PAK5: variants seen among roughly 807,000 people sequenced by gnomAD.
PAK5 encodes the protein serine/threonine-protein kinase PAK 5.
PAK5 carries 16 observed loss-of-function variants against 65.9 expected under a neutral mutation model. That is an observed-to-expected ratio of 0.24 (90% CI 0.16 to 0.37). The LOEUF (loss-of-function observed/expected upper bound fraction) is 0.37, where lower values mean the gene tolerates loss of function less well. PAK5 is among the 10% of genes least tolerant of loss of function. PAK5 has a pLI of 1.00. For missense variants in PAK5, 785 were observed against 903.9 expected, an observed-to-expected ratio of 0.87 and a Z score of 1.69; for synonymous variants, 371 against 354.9, an observed-to-expected ratio of 1.05 and a Z score of -0.51.
At chr20:9,552,711 T>C (rs1005442220) in intron 7 of PAK5, among the ~76,000 whole-genome samples, 2 of 118,336 alleles carry the variant, frequency 1.7e-5, no homozygotes, top group South Asian at 6.3e-4. Flanking sequence ...TAAAAAATTT[T>C]TAAAATTTTT....
intron 1 of PAK5, among the ~76,000 whole-genome samples, chr20:9,757,440 A>G (rs2048648080): frequency 6.6e-6 from 1 of 152,238 alleles, no homozygotes; most frequent in Non-Finnish European, 1.5e-5. Context: ...CAAATCAAAT[A>G]CAGACTTTAA....
At chr20:9,766,386 A>ATATTCTACTTACT (rs1569079090) in intron 1 of PAK5, among the ~76,000 whole-genome samples, 7 of 57,640 alleles carry the variant, frequency 1.2e-4, no homozygotes, top group African/African-American at 5.4e-4. Flanking sequence ...CAGAATATAT[A>ATATTCTACTTACT]TGTATATATA....
intron 3 of PAK5, among the ~76,000 whole-genome samples, chr20:9,640,045 C>T (rs181754613): frequency 5.3e-5 from 8 of 152,128 alleles, no homozygotes; most frequent in Admixed American, 6.5e-5. Flanking sequence ...GGGTCTTCAG[C>T]TAGAATGTTT....
chr20:9,619,849 A>G (rs2046738302), intron 3 of PAK5, among the ~76,000 whole-genome samples: 3 of 152,088 alleles, frequency 2.0e-5, no homozygotes, highest in Non-Finnish European at 4.4e-5. Flanking sequence ...ACCAATCATC[A>G]GTGCTCTCAA....
At chr20:9,594,973 G>T (rs967549555) in intron 3 of PAK5, among the ~76,000 whole-genome samples, 19 of 151,796 alleles carry the variant, frequency 1.3e-4, no homozygotes, top group Non-Finnish European at 1.9e-4. Flanking sequence ...ATTACGGAGA[G>T]AATTTACTGA....
At chr20:9,788,334 A>G (rs994487) in intron 1 of PAK5, among the ~76,000 whole-genome samples, 110,735 of 151,536 alleles carry the variant, frequency 0.73, 40,552 homozygotes, top group Admixed American at 0.77. Context: ...TCATTCTGAC[A>G]GGTTTCCAAA....
chr20:9,597,302 G>T (rs565565240), intron 3 of PAK5, among the ~76,000 whole-genome samples: 57 of 152,322 alleles, frequency 3.7e-4, no homozygotes, highest in African/African-American at 1.4e-3. Context: ...CCTACAAAGT[G>T]CAAAGCAGCT....
At chr20:9,653,560 G>T (rs138829660) in intron 2 of PAK5, among the ~76,000 whole-genome samples, 72 of 152,286 alleles carry the variant, frequency 4.7e-4, no homozygotes, top group Non-Finnish European at 7.5e-4. Context: ...CCAGTTCTGA[G>T]AGTTCACTTT....
intron 1 of PAK5, among the ~76,000 whole-genome samples, chr20:9,756,503 G>A (rs1407315520): frequency 6.6e-6 from 1 of 152,092 alleles, no homozygotes; most frequent in African/African-American, 2.4e-5. Context: ...CAGCTGCTGA[G>A]CACTTGAAAA....
chr20:9,657,370 AC>A (rs1451748835), intron 2 of PAK5, among the ~76,000 whole-genome samples: 1 of 152,102 alleles, frequency 6.6e-6, no homozygotes, highest in African/African-American at 2.4e-5. Flanking sequence ...GTATGCATGT[AC>A]CATACTTTGT....
chr20:9,692,041 A>G (rs1390491396), intron 2 of PAK5, among the ~76,000 whole-genome samples: 1 of 152,208 alleles, frequency 6.6e-6, no homozygotes, highest in Non-Finnish European at 1.5e-5. Flanking sequence ...CAACCTGCCC[A>G]GGTACATAGT....
chr20:9,800,432 C>T (rs2049156327), intron 1 of PAK5, among the ~76,000 whole-genome samples: 1 of 152,090 alleles, frequency 6.6e-6, no homozygotes, highest in Non-Finnish European at 1.5e-5. Context: ...TTTATTGTGG[C>T]ATTTGACATC....
chr20:9,558,274 G>T (rs2045541905), intron 6 of PAK5, among the ~76,000 whole-genome samples: 1 of 151,780 alleles, frequency 6.6e-6, no homozygotes. Flanking sequence ...ATTATGCCCG[G>T]CTAATTTTTG....
intron 1 of PAK5, among the ~76,000 whole-genome samples, chr20:9,773,031 A>G (rs181387220): frequency 1.8e-3 from 270 of 152,330 alleles, no homozygotes; most frequent in African/African-American, 6.1e-3. Context: ...ATGAGAAGTC[A>G]AACTTCTCAC....
At chr20:9,604,080 C>T (rs931569995) in intron 3 of PAK5, among the ~76,000 whole-genome samples, 4 of 152,216 alleles carry the variant, frequency 2.6e-5, no homozygotes, top group Admixed American at 2.0e-4. Flanking sequence ...AACTTAAACA[C>T]ATCCTTAGAA....
chr20:9,541,999 A>C (rs567997558), intron 9 of PAK5, among the ~76,000 whole-genome samples: 1 of 152,204 alleles, frequency 6.6e-6, no homozygotes, highest in South Asian at 2.1e-4. Context: ...AGTTAATTAA[A>C]CCTTCTTTAT....
At chr20:9,544,634 C>T (rs2045316189) in intron 7 of PAK5, 140 bp from the exon 8 acceptor site, 2 of 730,344 alleles carry the variant, frequency 2.7e-6, no homozygotes, top group Non-Finnish European at 4.5e-6. Flanking sequence ...GAGGGACTGT[C>T]AGACCCTTTT....
At chr20:9,607,466 T>C (rs1052321774) in intron 3 of PAK5, among the ~76,000 whole-genome samples, 1 of 152,202 alleles carries the variant, frequency 6.6e-6, no homozygotes, top group African/African-American at 2.4e-5. Context: ...AGAACCTTCT[T>C]GGGACCTGAT....
intron 4 of PAK5, among the ~76,000 whole-genome samples, chr20:9,573,532 T>C (rs1193522911): frequency 2.0e-5 from 3 of 152,200 alleles, no homozygotes; most frequent in Non-Finnish European, 4.4e-5. Context: ...TAATCTGAAT[T>C]TGGCAGTGTA....
Sources: gnomAD v4.1 joint callset for allele counts (sites outside exome capture counted in the v4.1 genomes callset) on GRCh38, gnomAD v4.1.1 for gene constraint, MANE v1.5 for transcripts, NCBI Gene and HGNC (gene_info 2026-07-23, HGNC 2026-07-21) for gene names.